PRKAR1B: variants seen among roughly 807,000 people sequenced by gnomAD.
The protein encoded by PRKAR1B is cAMP-dependent protein kinase type I-beta regulatory subunit.
Under a neutral mutation model 46.5 loss-of-function variants are expected in PRKAR1B, and 22 were observed. That is an observed-to-expected ratio of 0.47 (90% CI 0.34 to 0.68). The LOEUF is 0.68. Among genes scored for constraint, PRKAR1B ranks in the 30% least tolerant of loss-of-function variants. PRKAR1B has a pLI of 0.01. For missense variants in PRKAR1B, 445 were observed against 535.6 expected, an observed-to-expected ratio of 0.83 and a Z score of 1.67; for synonymous variants, 259 against 217.7, an observed-to-expected ratio of 1.19 and a Z score of -1.67.
At chr7:592,223 C>T (rs1187129715) in intron 7 of PRKAR1B, among the ~76,000 whole-genome samples, 1 of 152,230 alleles carries the variant, frequency 6.6e-6, no homozygotes, top group Admixed American at 6.5e-5. Flanking sequence ...TGAGGGTGCA[C>T]ACGGGCCCTC....
Position 593,837 on chromosome 7 carries a change from C to T in PRKAR1B, c.708+2309G>A, listed in dbSNP as rs965552834. On this transcript the variant is annotated intron_variant, in intron 7 of 10. Transcript: ENST00000537384. This position sits in a 1 kb window ranked among gnomAD's most constrained non-coding sequence, Gnocchi z 6.1. The stretch of plus-strand genomic sequence containing the variant: ...AGGAGCCCCAGACCCAGGGTGGGCA[C>T]CCCAGCAATGCCCCACAGGTGCATA... 6.6e-6 allele frequency among the ~76,000 whole-genome samples: 1 copy of T among 152,150 alleles called. No individual in the cohort carries two copies. The highest frequency in any genetic ancestry group is 1.5e-5 in the Non-Finnish European group (1 of 68,018).
At chr7:570,827 G>A (rs112044248) in intron 9 of PRKAR1B, among the ~76,000 whole-genome samples, 3,138 of 148,710 alleles carry the variant, frequency 0.021, 99 homozygotes, top group African/African-American at 0.063. Flanking sequence ...CCTCCCTCCC[G>A]GTATCCAGGC....
At chr7:719,064 G>C (rs1780984530) in intron 1 of PRKAR1B, among the ~76,000 whole-genome samples, 1 of 150,422 alleles carries the variant, frequency 6.6e-6, no homozygotes. Flanking sequence ...CTTTTGAGAA[G>C]GAGTCTTGCT....
intron 1 of PRKAR1B, among the ~76,000 whole-genome samples, chr7:721,968 T>C (rs1414811214): frequency 6.6e-6 from 1 of 152,200 alleles, no homozygotes; most frequent in East Asian, 1.9e-4. Context: ...CTTCTGTCTT[T>C]AGTTTCCAGG....
intron 1 of PRKAR1B, among the ~76,000 whole-genome samples, chr7:716,045 A>T (rs772170175): frequency 4.9e-4 from 72 of 146,484 alleles, no homozygotes; most frequent in African/African-American, 1.2e-3. Flanking sequence ...TTTTTTTTTT[A>T]AATCTTTTTG....
rs573966879 is a variant in PRKAR1B at position 723,842 on chromosome 7, GCC to G, written c.-23+3366_-23+3367del. On this transcript the variant is annotated intron_variant, in intron 1 of 10. Coordinates refer to ENST00000537384, the MANE Select transcript of PRKAR1B (RefSeq NM_001164760.2). ...CCCTCCCTGTTTGCTACCTGAGGCT[GCC>G]GTAACAAAGCACACCAGGCTGGGCA... is the stretch of plus-strand genomic sequence containing the variant. Among the ~76,000 whole-genome samples the G allele has an allele frequency of 2.4e-3, 360 of 152,300 alleles. 2 individuals carry two copies. The highest frequency in any genetic ancestry group is 8.2e-3 in the African/African-American group (339 of 41,552).
intron 4 of PRKAR1B, among the ~76,000 whole-genome samples, chr7:631,394 C>T (rs976808381): frequency 7.2e-5 from 11 of 152,164 alleles, no homozygotes; most frequent in Non-Finnish European, 1.2e-4. Flanking sequence ...CAGGGGTGGT[C>T]GCCGGCCCAA....
At position 672,949 on chromosome 7, in the gene PRKAR1B, G is replaced by A. The variant is rs572059318; in HGVS notation, c.440+4280C>T. Among the ~76,000 whole-genome samples, 37 of 150,106 alleles carry A rather than the reference G, an allele frequency of 2.5e-4. No homozygotes were observed. The South Asian group carries it at 5.1e-3, about 21-fold the overall frequency. ...AGTCCCAGTTATTCAGGAAGTTGAG[G>A]TAGGAGAATCACTTGAGCACGGAAG... On this transcript the variant is annotated intron_variant, in intron 4 of 10. Transcript: ENST00000537384.
chr7:573,252 A>C (rs2128438101), intron 9 of PRKAR1B, among the ~76,000 whole-genome samples: 1 of 152,282 alleles, frequency 6.6e-6, no homozygotes, highest in Middle Eastern at 3.4e-3. Flanking sequence ...TATGAAAGCG[A>C]TACCTTCCCT....
chr7:705,357 T>C (rs1387431881), intron 2 of PRKAR1B, among the ~76,000 whole-genome samples: 1 of 145,380 alleles, frequency 6.9e-6, no homozygotes, highest in Non-Finnish European at 1.5e-5. Context: ...GGTGCCACCA[T>C]ATACCTATTA....
At chr7:613,994 G>A (rs1225917478) in intron 4 of PRKAR1B, among the ~76,000 whole-genome samples, 2 of 152,218 alleles carry the variant, frequency 1.3e-5, no homozygotes, top group East Asian at 1.9e-4. Context: ...CCAAGGACTC[G>A]TCCACCACCC....
intron 4 of PRKAR1B, among the ~76,000 whole-genome samples, chr7:612,535 G>GTGGA (rs1402559261): frequency 3.1e-4 from 47 of 151,678 alleles, no homozygotes; most frequent in Admixed American, 2.0e-3. Flanking sequence ...AAGTGGGTGG[G>GTGGA]TGGATGGATA....
intron 2 of PRKAR1B, among the ~76,000 whole-genome samples, chr7:688,248 CA>C (rs913059093): frequency 6.6e-6 from 1 of 151,406 alleles, no homozygotes; most frequent in African/African-American, 2.4e-5. Flanking sequence ...TAGAAAAATA[CA>C]AAAAAAGTAG....
chr7:703,490 T>A (rs1360497464), intron 2 of PRKAR1B, among the ~76,000 whole-genome samples: 1 of 151,776 alleles, frequency 6.6e-6, no homozygotes, highest in Non-Finnish European at 1.5e-5. Context: ...CCATCTCTAC[T>A]AAAAACACAC....
In PRKAR1B at chr7:693,110, T is replaced by G. The variant is rs1426968998; in HGVS notation, c.178-12384A>C. On this transcript the variant is annotated intron_variant, in intron 2 of 10. Coordinates refer to ENST00000537384, the MANE Select transcript of PRKAR1B (RefSeq NM_001164760.2). ...CCACCACACCCAGCTAATTTTTGTA[T>G]TTTTATTAGAGACAGGGTTTCCCCA... Among the ~76,000 whole-genome samples the G allele has an allele frequency of 5.3e-5, 8 of 151,958 alleles. No homozygotes were observed. The East Asian group carries it at 1.6e-3, about 29-fold the overall frequency.
At chr7:612,886 G>A (rs1019897559) in intron 4 of PRKAR1B, among the ~76,000 whole-genome samples, 1 of 152,120 alleles carries the variant, frequency 6.6e-6, no homozygotes, top group African/African-American at 2.4e-5. Flanking sequence ...ATTCACCGAA[G>A]CACTGTCAGC....
chr7:621,644 G>C (rs988698046), intron 4 of PRKAR1B, among the ~76,000 whole-genome samples: 2 of 152,258 alleles, frequency 1.3e-5, no homozygotes, highest in Admixed American at 6.5e-5. Flanking sequence ...ACAGATGCTT[G>C]TGTGGGGTGA....
chr7:700,475 C>T (rs1178066436), intron 2 of PRKAR1B, among the ~76,000 whole-genome samples: 2 of 152,072 alleles, frequency 1.3e-5, no homozygotes, highest in Admixed American at 1.3e-4. Context: ...AATTATTCAA[C>T]ATATCAAGAA....
chr7:694,493 T>C (rs1274780723), intron 2 of PRKAR1B, among the ~76,000 whole-genome samples: 2 of 151,946 alleles, frequency 1.3e-5, no homozygotes, highest in Non-Finnish European at 2.9e-5. Flanking sequence ...GAGAGAAGGA[T>C]GTGGGGCCTC....
Sources: gnomAD v4.1 joint callset for allele counts (sites outside exome capture counted in the v4.1 genomes callset) on GRCh38, gnomAD v4.1.1 for gene constraint, Gnocchi (gnomAD v3.1) non-coding constraint, MANE v1.5 for transcripts, NCBI Gene and HGNC (gene_info 2026-07-23, HGNC 2026-07-21) for gene names.